Variants in C19orf47 observed in about 807,000 individuals in gnomAD.
The protein encoded by C19orf47 is uncharacterized protein C19orf47.
A neutral mutation model predicts 32.3 loss-of-function variants in C19orf47; 18 were observed. The ratio of observed to expected loss-of-function variants is 0.56; its 90% confidence interval spans 0.39 to 0.83. The LOEUF (loss-of-function observed/expected upper bound fraction) is 0.83. Ranked by LOEUF, C19orf47 falls within the 40% of genes least tolerant of loss-of-function variation. The pLI is 0.00. For missense variants in C19orf47, 484 were observed against 531.6 expected, an observed-to-expected ratio of 0.91 and a Z score of 0.88; for synonymous variants, 202 against 211.1, an observed-to-expected ratio of 0.96 and a Z score of 0.37.
intron 5 of C19orf47, among the ~76,000 whole-genome samples, chr19:40,330,374 G>A (rs183434513): frequency 1.6e-3 from 243 of 151,460 alleles, no homozygotes; most frequent in Non-Finnish European, 2.7e-3. Flanking sequence ...GACTACAGGC[G>A]CCCATCACCA....
rs2077697263 is a variant in C19orf47 at position 40,320,244 on chromosome 19, C to T, written c.*1638G>A. The T allele has an allele frequency of 6.4e-6, 1 of 155,214 alleles. No homozygotes were observed. The highest frequency in any genetic ancestry group is 1.9e-4 in the East Asian group (1 of 5,222). 9.6% of individuals were successfully genotyped at this position (155,214 alleles called of 1,614,324 possible). ...CCCTCCCAGCCATTCCTTCTCCTCA[C>T]AGAAGCCAGAGCGATGATCCTAAAT... On this transcript the variant is annotated 3_prime_UTR_variant, in exon 9 of 9. Coordinates refer to ENST00000683109, the MANE Select transcript of C19orf47 (RefSeq NM_001256441.2).
chr19:40,347,157 T>C (rs942765191), intron 1 of C19orf47, among the ~76,000 whole-genome samples: 11 of 152,166 alleles, frequency 7.2e-5, no homozygotes, highest in African/African-American at 2.7e-4. Context: ...GTGTACAATG[T>C]AATGGGCTGT....
chr19:40,317,053 G>A (rs1458517463), downstream of C19orf47, among the ~76,000 whole-genome samples: 2 of 152,164 alleles, frequency 1.3e-5, no homozygotes, highest in Non-Finnish European at 2.9e-5. Context: ...GACATGGGAA[G>A]ATACTTTTCA....
chr19:40,306,657 C>A, the C19orf47 span, among the ~76,000 whole-genome samples: 1 of 152,114 alleles, frequency 6.6e-6, no homozygotes, highest in Non-Finnish European at 1.5e-5. Context: ...CCAGCCTCAG[C>A]CTCCCAAAGT....
intron 8 of C19orf47, among the ~76,000 whole-genome samples, chr19:40,322,655 T>C (rs1324275657): frequency 6.6e-6 from 1 of 152,036 alleles, no homozygotes; most frequent in Non-Finnish European, 1.5e-5. Context: ...AGGACGGGAG[T>C]GCCGCACAAA....
the C19orf47 span, among the ~76,000 whole-genome samples, chr19:40,298,969 T>C: frequency 6.6e-6 from 1 of 151,980 alleles, no homozygotes; most frequent in African/African-American, 2.4e-5. Context: ...AAATGAGCCC[T>C]AATATCAAGG....
intron 2 of C19orf47, among the ~76,000 whole-genome samples, chr19:40,339,511 G>A (rs773684946): frequency 2.4e-4 from 37 of 152,234 alleles, no homozygotes; most frequent in Middle Eastern, 3.4e-3. Context: ...CTCTCAAGGT[G>A]AAATACTATA....
At chr19:40,342,824 G>C (rs556600044) in intron 1 of C19orf47, among the ~76,000 whole-genome samples, 28 of 152,296 alleles carry the variant, frequency 1.8e-4, no homozygotes, top group African/African-American at 6.7e-4. Flanking sequence ...GCATGCTGGA[G>C]GGAAAGCAAG....
chr19:40,340,025 T>C (rs1471451896), intron 2 of C19orf47, among the ~76,000 whole-genome samples: 1 of 145,210 alleles, frequency 6.9e-6, no homozygotes, highest in Non-Finnish European at 1.5e-5. Context: ...CAAGAAAATA[T>C]GTTCACAGAA....
chr19:40,324,969 A>G (rs2077798553), intron 7 of C19orf47, among the ~76,000 whole-genome samples: 1 of 151,722 alleles, frequency 6.6e-6, no homozygotes, highest in Non-Finnish European at 1.5e-5. Context: ...CAAAAAAAAA[A>G]AAAGAAAAGA....
intron 7 of C19orf47, 46 bp from the exon 8 acceptor site, chr19:40,324,122 G>A (rs746839091): frequency 6.3e-7 from 1 of 1,596,854 alleles, no homozygotes; most frequent in African/African-American, 1.3e-5. Context: ...GGTGGGCCAG[G>A]CCTAGGCTGA....
intron 5 of C19orf47, among the ~76,000 whole-genome samples, chr19:40,330,460 C>T (rs970367906): frequency 6.6e-5 from 10 of 150,768 alleles, no homozygotes; most frequent in Non-Finnish European, 1.2e-4. Flanking sequence ...CTCGATCTCT[C>T]GAGGTCTGAC....
At chr19:40,336,070 T>C (rs769506191) in intron 4 of C19orf47, 40 bp downstream of exon 4, 1 of 1,591,108 alleles carries the variant, frequency 6.3e-7, no homozygotes, top group Non-Finnish European at 8.6e-7. Flanking sequence ...TCCACCTCCA[T>C]GCCAAACCCA....
At chr19:40,347,092 T>C (rs1359319727) in intron 1 of C19orf47, among the ~76,000 whole-genome samples, 4 of 152,110 alleles carry the variant, frequency 2.6e-5, no homozygotes, top group Non-Finnish European at 4.4e-5. Context: ...TTCTGAACAG[T>C]ATCCCTATTC....
At chr19:40,334,783 A>T (rs1481949193) in intron 4 of C19orf47, 1 of 152,030 alleles carries the variant, frequency 6.6e-6, no homozygotes, top group East Asian at 1.9e-4. Flanking sequence ...ACAGGGGCAC[A>T]TGCCTGTAAT....
Position 40,334,426 on chromosome 19 carries a change from G to C in C19orf47, c.223-497C>G, listed in dbSNP as rs1282063137. On this transcript the variant is annotated intron_variant, in intron 4 of 8. Transcript: ENST00000683109. ...ATTGTACCACTGCATTCTAGCCTGG[G>C]CAACAGAGTGAGACCCTGTCTCCAA... Among the ~76,000 whole-genome samples the C allele has an allele frequency of 2.0e-5, 3 of 151,794 alleles. No individual in the cohort carries two copies. In the East Asian group the frequency reaches 5.8e-4, roughly 29 times the overall value.
At chr19:40,315,521 C>T (rs2077656084), downstream of C19orf47, among the ~76,000 whole-genome samples, 2 of 152,208 alleles carry the variant, frequency 1.3e-5, no homozygotes. Context: ...TGGCTCACGC[C>T]TGTAATCCCA....
the C19orf47 span, among the ~76,000 whole-genome samples, chr19:40,313,626 G>A: frequency 4.6e-5 from 7 of 152,184 alleles, no homozygotes; most frequent in East Asian, 1.9e-4. Context: ...TGCCCAGCCC[G>A]CTTTTCCTTT....
At chr19:40,339,000 G>A (rs1026188556) in intron 2 of C19orf47, 1 of 152,284 alleles carries the variant, frequency 6.6e-6, no homozygotes, top group Non-Finnish European at 1.5e-5. Flanking sequence ...AAAGTACCAC[G>A]TAGGTTGGGG....
Sources: gnomAD v4.1 joint callset for allele counts (sites outside exome capture counted in the v4.1 genomes callset) on GRCh38, gnomAD v4.1.1 for gene constraint, MANE v1.5 for transcripts, NCBI Gene and HGNC (gene_info 2026-07-23, HGNC 2026-07-21) for gene names.